Variants in RASSF5 observed in about 807,000 individuals in gnomAD.
RASSF5 encodes ras association domain-containing protein 5.
A neutral mutation model predicts 40.5 loss-of-function variants in RASSF5; 25 were observed. That is an observed-to-expected ratio of 0.62 (90% confidence interval 0.45 to 0.86). RASSF5 has a LOEUF of 0.86. Ranked by LOEUF, RASSF5 falls within the 40% of genes least tolerant of loss-of-function variation. RASSF5 has a pLI of 0.00. For missense variants in RASSF5, 521 were observed against 572.8 expected, an observed-to-expected ratio of 0.91 and a Z score of 0.92; for synonymous variants, 246 against 252.4, an observed-to-expected ratio of 0.97 and a Z score of 0.24.
In RASSF5 at chr1:206,579,700, A is replaced by T. The variant is rs1003065335; in HGVS notation, c.580-3569A>T. ...CATGCCCAGACTGCACCCCAGACCA[A>T]TTAAATCAGAATCTCCAGGGATGAA... On this transcript the variant is annotated intron_variant, in intron 2 of 5. Transcript: ENST00000579436. The surrounding 1 kb of genome is among the most constrained non-coding windows in gnomAD (Gnocchi z 4.2). 1.2e-4 allele frequency among the ~76,000 whole-genome samples: 18 copies of T among 152,202 alleles called. No individual in the cohort carries two copies. Among genetic ancestry groups the T allele is most frequent in the Admixed American group, 5.2e-4 (8 of 15,278 alleles).
At chr1:206,553,373 TA>T (rs1431943679) in intron 2 of RASSF5, among the ~76,000 whole-genome samples, 1 of 152,028 alleles carries the variant, frequency 6.6e-6, no homozygotes, top group Non-Finnish European at 1.5e-5. Flanking sequence ...ACTGTGGCAA[TA>T]AAAAGGTAGG....
chr1:206,516,964 A>G (rs1462192755), intron 1 of RASSF5, among the ~76,000 whole-genome samples: 1 of 152,098 alleles, frequency 6.6e-6, no homozygotes, highest in Non-Finnish European at 1.5e-5. Flanking sequence ...GGACTTGCTT[A>G]TGCCCTTCTT....
chr1:206,561,726 C>T (rs1315358996), intron 2 of RASSF5, among the ~76,000 whole-genome samples: 8 of 142,492 alleles, frequency 5.6e-5, no homozygotes, highest in African/African-American at 2.1e-4. Context: ...AGTACAATGA[C>T]GCGATCTCGG....
chr1:206,535,713 GTGGTGTGT>G lies in RASSF5; in HGVS notation c.458-2458_458-2451del, dbSNP rs1409108577. On this transcript the variant is annotated intron_variant, in intron 1 of 5. Transcript: ENST00000579436. The surrounding 1 kb of genome is among the most constrained non-coding windows in gnomAD (Gnocchi z 5.0). ...TGTGTGTGTGTGTGTCTGTGTGTGT[GTGGTGTGT>G]GTGTGTGTGTGTGTGTGTGTGTGAG... Among the ~76,000 whole-genome samples, 1 of 46,678 alleles carries G rather than the reference GTGGTGTGT, an allele frequency of 2.1e-5. No homozygotes were observed. The highest frequency in any genetic ancestry group is 2.3e-4 in the Admixed American group (1 of 4,300). 30.6% of individuals were successfully genotyped at this position (46,678 alleles called of 152,430 possible).
At chr1:206,565,820 G>A (rs1668274085) in intron 2 of RASSF5, among the ~76,000 whole-genome samples, 1 of 152,176 alleles carries the variant, frequency 6.6e-6, no homozygotes, top group Non-Finnish European at 1.5e-5. Flanking sequence ...CACAGTGACA[G>A]AGCTGCACCA....
chr1:206,518,667 C>T, intron 1 of RASSF5: 4 of 394,600 alleles, frequency 1.0e-5, no homozygotes, highest in Non-Finnish European at 1.8e-5. Flanking sequence ...AGCTCAGCAC[C>T]ACTCCTTGGC....
At chr1:206,548,585 T>C (rs1296528405) in intron 2 of RASSF5, among the ~76,000 whole-genome samples, 1 of 152,236 alleles carries the variant, frequency 6.6e-6, no homozygotes, top group African/African-American at 2.4e-5. Context: ...GGGACAGATA[T>C]CCAAACTGTA....
chr1:206,535,534 T>C lies in RASSF5; in HGVS notation c.458-2638T>C, dbSNP rs1553398499. On this transcript the variant is annotated intron_variant, in intron 1 of 5. Coordinates refer to ENST00000579436, the MANE Select transcript of RASSF5 (RefSeq NM_182663.4). This position sits in a 1 kb window ranked among gnomAD's most constrained non-coding sequence, Gnocchi z 5.0. The stretch of plus-strand genomic sequence containing the variant: ...TCCAGGACGAGGAAGTATGAAGATG[T>C]GCTTCAGAGGTTTTGCTGCAGCCTG... Among the ~76,000 whole-genome samples, 1 of 152,200 alleles carries C rather than the reference T, an allele frequency of 6.6e-6. No homozygotes were observed.
chr1:206,585,797 A>T (rs1669089626), intron 5 of RASSF5: 1 of 153,366 alleles, frequency 6.5e-6, no homozygotes, highest in African/African-American at 2.4e-5. Flanking sequence ...GAGAATGACC[A>T]ACAGGGGAAG....
At chr1:206,572,574 TG>T (rs1283799421) in intron 2 of RASSF5, 1 of 152,130 alleles carries the variant, frequency 6.6e-6, no homozygotes, top group Non-Finnish European at 1.5e-5. Flanking sequence ...CCCAGCACAC[TG>T]GGACAGTCAG....
intron 1 of RASSF5, among the ~76,000 whole-genome samples, chr1:206,534,133 G>A (rs1218000833): frequency 2.0e-5 from 3 of 152,232 alleles, no homozygotes; most frequent in African/African-American, 7.2e-5. Context: ...CTTGGTTCCA[G>A]TGGTCCTGGG....
rs1553405918 is a variant in RASSF5 at position 206,579,905 on chromosome 1, T to A, written c.580-3364T>A. ...TTCATTTGGTCCATGGGTCACATCT[T>A]GTCTGCCAGATATTTTTGTGGGCAG... On this transcript the variant is annotated intron_variant, in intron 2 of 5. Transcript: ENST00000579436. This position sits in a 1 kb window ranked among gnomAD's most constrained non-coding sequence, Gnocchi z 4.2. Among the ~76,000 whole-genome samples the A allele has an allele frequency of 6.6e-6, 1 of 152,208 alleles. No homozygotes were observed. Among genetic ancestry groups the A allele is most frequent in the Non-Finnish European group, 1.5e-5 (1 of 68,044 alleles).
At chr1:206,541,943 C>G (rs1478102986) in intron 2 of RASSF5, 1 of 152,194 alleles carries the variant, frequency 6.6e-6, no homozygotes, top group East Asian at 1.9e-4. Flanking sequence ...TTTGTCCTTG[C>G]CCACCACTGG....
chr1:206,548,309 G>T (rs1196410602), intron 2 of RASSF5, among the ~76,000 whole-genome samples: 7 of 152,182 alleles, frequency 4.6e-5, no homozygotes, highest in African/African-American at 1.7e-4. Flanking sequence ...TTTGGCTTCT[G>T]ATCAGGACCT....
intron 1 of RASSF5, among the ~76,000 whole-genome samples, chr1:206,530,463 A>G (rs1667209700): frequency 6.6e-6 from 1 of 152,228 alleles, no homozygotes; most frequent in Non-Finnish European, 1.5e-5. Flanking sequence ...TATGTGATGA[A>G]CATTTTAGTG....
intron 1 of RASSF5, among the ~76,000 whole-genome samples, chr1:206,528,436 G>A (rs782620199): frequency 2.7e-4 from 41 of 152,264 alleles, no homozygotes; most frequent in Middle Eastern, 6.8e-3. Context: ...AGAGCACAGC[G>A]GGTTTTTAGG....
intron 2 of RASSF5, chr1:206,543,444 A>T (rs1553399671): frequency 6.6e-6 from 1 of 152,224 alleles, no homozygotes; most frequent in Non-Finnish European, 1.5e-5. Context: ...GTGCTCTTCC[A>T]AAGGACACTT....
At chr1:206,544,975 G>A (rs1347709779) in intron 2 of RASSF5, 1 of 152,140 alleles carries the variant, frequency 6.6e-6, no homozygotes, top group Non-Finnish European at 1.5e-5. Context: ...ATGACCACGT[G>A]GGGGAGCCAG....
intron 2 of RASSF5, chr1:206,543,565 ATGTGTG>A (rs59506240): frequency 0.06 from 8,892 of 149,254 alleles, 461 homozygotes; most frequent in African/African-American, 0.14. Context: ...GTGTGTGTGT[ATGTGTG>A]TGTGTGTGTG....
Sources: gnomAD v4.1 joint callset for allele counts (sites outside exome capture counted in the v4.1 genomes callset) on GRCh38, gnomAD v4.1.1 for gene constraint, Gnocchi (gnomAD v3.1) non-coding constraint, MANE v1.5 for transcripts, NCBI Gene and HGNC (gene_info 2026-07-23, HGNC 2026-07-21) for gene names.